The following DENND5B variants were observed in gnomAD, a reference collection of about 807,000 sequenced individuals.
DENND5B encodes the protein DENN domain containing 5B, also known as DENN domain-containing protein 5B.
A neutral mutation model predicts 140.6 loss-of-function variants in DENND5B; 34 were observed. The ratio of observed to expected loss-of-function variants is 0.24; its 90% CI spans 0.18 to 0.32. The LOEUF (loss-of-function observed/expected upper bound fraction) is 0.32, where lower values mean the gene tolerates loss of function less well. DENND5B is among the 10% of genes least tolerant of loss of function. The probability of loss-of-function intolerance (pLI) is 1.00; values close to 1 mark genes in which losing one functional copy is unlikely to be tolerated. For synonymous variants in DENND5B, 551 were observed against 562.1 expected (o/e 0.98, Z 0.28); for missense variants, 1,142 against 1,560.2 (o/e 0.73, Z 4.52).
At chr12:31,398,093 C>A (rs954612561) in intron 17 of DENND5B, 82 bp downstream of exon 17, 49 of 1,311,996 alleles carry the variant, frequency 3.7e-5, no homozygotes, top group Non-Finnish European at 4.6e-5. Context: ...TCACTACATT[C>A]ATTAACACAA....
intron 1 of DENND5B, among the ~76,000 whole-genome samples, chr12:31,545,949 T>TAAA (rs1948840121): frequency 4.3e-4 from 2 of 4,606 alleles, no homozygotes; most frequent in African/African-American, 5.8e-3. Context: ...AGACACTGTC[T>TAAA]CAAAAAAAAA....
intron 1 of DENND5B, among the ~76,000 whole-genome samples, chr12:31,552,113 T>C (rs1315790044): frequency 6.6e-6 from 1 of 152,040 alleles, no homozygotes; most frequent in African/African-American, 2.4e-5. Flanking sequence ...TGAATAGGAG[T>C]CGTGAGAGAG....
At chr12:31,390,510 G>C (rs1418036318) in intron 19 of DENND5B, among the ~76,000 whole-genome samples, 1 of 151,914 alleles carries the variant, frequency 6.6e-6, no homozygotes, top group Non-Finnish European at 1.5e-5. Context: ...GTGGTGGCAG[G>C]CACCTGTAAT....
chr12:31,581,163 A>G (rs1950198925), intron 1 of DENND5B, among the ~76,000 whole-genome samples: 1 of 152,084 alleles, frequency 6.6e-6, no homozygotes, highest in Admixed American at 6.6e-5. Context: ...CAAATACCTA[A>G]AAGTTTGAAT....
intron 2 of DENND5B, among the ~76,000 whole-genome samples, chr12:31,494,675 T>G (rs1256761084): frequency 1.3e-5 from 2 of 152,132 alleles, no homozygotes; most frequent in Non-Finnish European, 2.9e-5. Flanking sequence ...CTTTGTAACT[T>G]CACTTCAGCC....
chr12:31,486,694 T>C (rs939870005), intron 2 of DENND5B, among the ~76,000 whole-genome samples: 1 of 152,248 alleles, frequency 6.6e-6, no homozygotes, highest in African/African-American at 2.4e-5. Flanking sequence ...GGTAGGCGGA[T>C]GGATTGTCAT....
At chr12:31,537,418 G>T (rs1466310837) in intron 1 of DENND5B, among the ~76,000 whole-genome samples, 1 of 152,072 alleles carries the variant, frequency 6.6e-6, no homozygotes, top group Admixed American at 6.6e-5. Context: ...TAGGTTATAA[G>T]ATAGTATTTG....
intron 1 of DENND5B, among the ~76,000 whole-genome samples, chr12:31,524,363 C>A (rs7132688): frequency 0.41 from 61,972 of 152,002 alleles, 13,143 homozygotes; most frequent in East Asian, 0.57. Context: ...ATTTAAGAAG[C>A]CTGGTTGGGA....
At chr12:31,444,215 C>G (rs1593180314) in intron 6 of DENND5B, 1 of 152,140 alleles carries the variant, frequency 6.6e-6, no homozygotes, top group East Asian at 1.9e-4. Context: ...AAGAGAAGAA[C>G]CAGGTGCCTT....
chr12:31,576,527 AAG>A (rs138585791), intron 1 of DENND5B, among the ~76,000 whole-genome samples: 1,891 of 152,190 alleles, frequency 0.012, 32 homozygotes, highest in African/African-American at 0.042. Flanking sequence ...AAAAGAAAAA[AAG>A]AAATTTCCCA....
chr12:31,579,205 A>C (rs1592088242), intron 1 of DENND5B, among the ~76,000 whole-genome samples: 1 of 152,364 alleles, frequency 6.6e-6, no homozygotes, highest in South Asian at 2.1e-4. Flanking sequence ...AAAGTCATAG[A>C]TTCTTGGAAA....
chr12:31,460,510 C>T, intron 3 of DENND5B, 129 bp from the exon 4 acceptor site: 1 of 810,596 alleles, frequency 1.2e-6, no homozygotes. Context: ...TATGATCATA[C>T]AGAAAATAGG....
At chr12:31,536,606 T>C (rs1312048957) in intron 1 of DENND5B, among the ~76,000 whole-genome samples, 2 of 150,942 alleles carry the variant, frequency 1.3e-5, no homozygotes, top group East Asian at 3.9e-4. Context: ...AACCTAAGAG[T>C]TACTGGTCTT....
At chr12:31,501,773 C>A (rs202097287) in intron 1 of DENND5B, among the ~76,000 whole-genome samples, 145 of 118,984 alleles carry the variant, frequency 1.2e-3, no homozygotes, top group South Asian at 1.3e-3. Context: ...AACTCCATCT[C>A]AAAAAAAAAA....
intron 11 of DENND5B, among the ~76,000 whole-genome samples, chr12:31,418,351 G>A (rs1593114187): frequency 2.1e-5 from 3 of 142,058 alleles, no homozygotes; most frequent in South Asian, 2.2e-4. Flanking sequence ...GCATGATCTC[G>A]GCTCACTGCA....
chr12:31,486,792 T>TA (rs1183896207), intron 2 of DENND5B, among the ~76,000 whole-genome samples: 6 of 152,212 alleles, frequency 3.9e-5, no homozygotes, highest in African/African-American at 7.2e-5. Context: ...TACCTTTCCA[T>TA]AAAAAATAGT....
chr12:31,486,020 T>A (rs1402302776), intron 2 of DENND5B, among the ~76,000 whole-genome samples: 1 of 152,224 alleles, frequency 6.6e-6, no homozygotes, highest in Non-Finnish European at 1.5e-5. Context: ...ATTGCAGATA[T>A]GTAGGCTAAG....
In DENND5B at chr12:31,487,263, G is replaced by C. The variant is rs577532860; in HGVS notation, c.238-7008C>G. On this transcript the variant is annotated intron_variant, in intron 2 of 20. Transcript: ENST00000389082. ...ACCTATGAATACCTGGATTTGGTAG[G>C]GGGTAAAAGCCACTTATTCCTAGTC... Among the ~76,000 whole-genome samples the C allele has an allele frequency of 7.9e-5, 12 of 152,218 alleles. No homozygotes were observed. The South Asian group carries it at 2.5e-3, about 32-fold the overall frequency.
chr12:31,399,125 C>A (rs12708365), intron 16 of DENND5B, among the ~76,000 whole-genome samples: 105,500 of 106,270 alleles, frequency 0.99, 52,375 homozygotes, highest in Middle Eastern at 1. Flanking sequence ...TCTGTCTCAG[C>A]CCAAAAAAAA....
Sources: allele counts gnomAD v4.1 joint callset (sites outside exome capture counted in the v4.1 genomes callset), GRCh38; gene constraint gnomAD v4.1.1; transcripts MANE v1.5; gene names NCBI Gene and HGNC (gene_info 2026-07-23, HGNC 2026-07-21).